Variants in ITGA1 observed in about 807,000 individuals in gnomAD.
ITGA1 encodes the protein integrin subunit alpha 1, also known as integrin alpha-1.
Under a neutral mutation model 145.9 loss-of-function variants are expected in ITGA1, and 85 were observed. That is an observed-to-expected ratio of 0.58 (90% CI 0.49 to 0.70). The LOEUF (loss-of-function observed/expected upper bound fraction) is 0.70. ITGA1 is among the 30% of genes least tolerant of loss of function. ITGA1 has a pLI of 0.00. For missense variants in ITGA1, 1,351 were observed against 1,418.7 expected (o/e 0.95, Z 0.77); for synonymous variants, 520 against 495.3 (o/e 1.05, Z -0.66).
In ITGA1 at chr5:52,956,298, T is replaced by G. The variant is rs1751304197; in HGVS notation, c.*3847T>G. On this transcript the variant is annotated 3_prime_UTR_variant, in exon 29 of 29. Coordinates refer to ENST00000282588, the MANE Select transcript of ITGA1 (RefSeq NM_181501.2). ...AACATTGAGAAACAGGCCCAGAGCC[T>G]GTCTCATGTGCCAGGTGCAGTCACA... The G allele has an allele frequency of 6.6e-6, 1 of 152,242 alleles. No individual in the cohort carries two copies. Among genetic ancestry groups the G allele is most frequent in the Non-Finnish European group, 1.5e-5 (1 of 68,064 alleles). 9.4% of individuals were successfully genotyped at this position (152,242 alleles called of 1,614,324 possible).
chr5:52,923,282 T>C (rs141599059), intron 18 of ITGA1, among the ~76,000 whole-genome samples: 1 of 152,340 alleles, frequency 6.6e-6, no homozygotes, highest in African/African-American at 2.4e-5. Context: ...GTTAATGATC[T>C]AAAGGTAACA....
intron 7 of ITGA1, among the ~76,000 whole-genome samples, chr5:52,886,526 T>C (rs907129003): frequency 2.6e-5 from 4 of 152,236 alleles, no homozygotes; most frequent in Non-Finnish European, 4.4e-5. Context: ...TTCAGTACAA[T>C]GATTGCTGTA....
At chr5:52,792,261 T>C (rs1580019505) in intron 1 of ITGA1, among the ~76,000 whole-genome samples, 1 of 152,190 alleles carries the variant, frequency 6.6e-6, no homozygotes, top group East Asian at 1.9e-4. Flanking sequence ...AGTGAGGAGA[T>C]GGGAGATGGC....
chr5:52,946,576 T>C (rs1159016997), intron 27 of ITGA1, among the ~76,000 whole-genome samples: 1 of 152,166 alleles, frequency 6.6e-6, no homozygotes, highest in Admixed American at 6.5e-5. Flanking sequence ...TAAAGGCAAA[T>C]ACAGGGCTTG....
intron 11 of ITGA1, 152 bp from the exon 12 acceptor site, chr5:52,905,611 A>G: frequency 1.7e-6 from 1 of 578,036 alleles, no homozygotes; most frequent in Non-Finnish European, 2.8e-6. Flanking sequence ...GCTTCCACCA[A>G]AACAAATTCT....
intron 1 of ITGA1, among the ~76,000 whole-genome samples, chr5:52,848,569 A>G (rs549378808): frequency 6.6e-6 from 1 of 151,928 alleles, no homozygotes; most frequent in Non-Finnish European, 1.5e-5. Flanking sequence ...TTTATTTTTT[A>G]TTGTATTATT....
intron 1 of ITGA1, among the ~76,000 whole-genome samples, chr5:52,838,614 A>G (rs750972303): frequency 6.6e-6 from 1 of 152,236 alleles, no homozygotes; most frequent in Non-Finnish European, 1.5e-5. Flanking sequence ...AGAGAGGTCA[A>G]ACTAAATCTA....
intron 9 of ITGA1, 106 bp from the exon 10 acceptor site, chr5:52,897,349 C>A: frequency 1.3e-6 from 1 of 743,392 alleles, no homozygotes. Flanking sequence ...GTTTGAAGTT[C>A]TGGTTGGTAA....
intron 15 of ITGA1, 28 bp from the exon 16 acceptor site, chr5:52,918,703 GT>G (rs1489005362): frequency 3.2e-6 from 5 of 1,586,858 alleles, no homozygotes; most frequent in Non-Finnish European, 4.3e-6. Context: ...GTAAAAATGT[GT>G]GAGTAATCCC....
At chr5:52,788,469 G>A in intron 1 of ITGA1, 55 bp downstream of exon 1, 1 of 1,384,606 alleles carries the variant, frequency 7.2e-7, no homozygotes. Flanking sequence ...GGGGCTTGGA[G>A]CGGGGAGGGA....
At chr5:52,881,411 C>T (rs1042847516) in intron 6 of ITGA1, among the ~76,000 whole-genome samples, 1 of 152,120 alleles carries the variant, frequency 6.6e-6, no homozygotes, top group Non-Finnish European at 1.5e-5. Context: ...AGAAGCCTTC[C>T]CTGGACCCCC....
At chr5:52,940,391 G>T (rs903013328) in intron 26 of ITGA1, among the ~76,000 whole-genome samples, 4 of 149,410 alleles carry the variant, frequency 2.7e-5, no homozygotes, top group African/African-American at 9.9e-5. Context: ...ATAATATATA[G>T]GTATATATGA....
At chr5:52,924,461 G>A (rs1173256347) in intron 18 of ITGA1, among the ~76,000 whole-genome samples, 7 of 152,220 alleles carry the variant, frequency 4.6e-5, no homozygotes, top group Non-Finnish European at 8.8e-5. Context: ...TGTGGCTGAC[G>A]CTAAAGAGCA....
At chr5:52,811,479 A>G (rs933933037) in intron 1 of ITGA1, among the ~76,000 whole-genome samples, 6 of 152,134 alleles carry the variant, frequency 3.9e-5, no homozygotes, top group African/African-American at 9.7e-5. Flanking sequence ...TTTGCACCCT[A>G]TTTTAAAAGC....
intron 1 of ITGA1, chr5:52,800,053 G>C: frequency 9.4e-6 from 3 of 319,732 alleles, no homozygotes; most frequent in Non-Finnish European, 1.2e-5. Context: ...GGGGACGGGA[G>C]ACGTGCGTCG....
At position 52,791,903 on chromosome 5, in the gene ITGA1, C is replaced by A. The variant is rs543252355; in HGVS notation, c.61+3489C>A. ...AATGACAAATCTACTCAATTCATAT[C>A]TCTGACCTCAAATTAAATGCTCTAA... On this transcript the variant is annotated intron_variant, in intron 1 of 28. Transcript: ENST00000282588. Among the ~76,000 whole-genome samples, 8 of 152,278 alleles carry A rather than the reference C, an allele frequency of 5.3e-5. No homozygotes were observed. In the South Asian group the frequency reaches 1.7e-3, roughly 32 times the overall value.
chr5:52,833,073 T>A (rs1213194668), intron 1 of ITGA1, among the ~76,000 whole-genome samples: 1 of 151,796 alleles, frequency 6.6e-6, no homozygotes, highest in East Asian at 1.9e-4. Context: ...ACACTTTTAA[T>A]CCCAGCTACT....
chr5:52,804,450 G>C (rs577183119), intron 1 of ITGA1, among the ~76,000 whole-genome samples: 10 of 152,126 alleles, frequency 6.6e-5, no homozygotes, highest in Non-Finnish European at 1.2e-4. Context: ...CAAGATTGTT[G>C]ATCTTGGATT....
intron 11 of ITGA1, among the ~76,000 whole-genome samples, chr5:52,901,168 G>A (rs1374176312): frequency 6.6e-6 from 1 of 152,124 alleles, no homozygotes; most frequent in African/African-American, 2.4e-5. Flanking sequence ...ACAGAACTAT[G>A]GAAAAATGGT....
Sources: gnomAD v4.1 joint callset for allele counts (sites outside exome capture counted in the v4.1 genomes callset) on GRCh38, gnomAD v4.1.1 for gene constraint, MANE v1.5 for transcripts, NCBI Gene and HGNC (gene_info 2026-07-23, HGNC 2026-07-21) for gene names.